STEAP2: variants seen among roughly 807,000 people sequenced by gnomAD.
The protein encoded by STEAP2 is STEAP2 metalloreductase.
STEAP2 carries 30 observed loss-of-function variants against 46.4 expected under a neutral mutation model. That is an observed-to-expected ratio of 0.65 (90% CI 0.48 to 0.88). The LOEUF is 0.88. Ranked by LOEUF, STEAP2 falls within the 40% of genes least tolerant of loss-of-function variation. The pLI is 0.00. For synonymous variants in STEAP2, 180 were observed against 200.5 expected, an observed-to-expected ratio of 0.90 and a Z score of 0.86; for missense variants, 513 against 579.3, an observed-to-expected ratio of 0.89 and a Z score of 1.18.
intron 3 of STEAP2, 46 bp from the exon 4 acceptor site, chr7:90,226,925 T>C (rs1795510776): frequency 1.3e-6 from 2 of 1,522,040 alleles, no homozygotes; most frequent in Non-Finnish European, 1.8e-6. Context: ...GCTACCATTT[T>C]TATAAACAAC....
rs759457260 is a variant in STEAP2 at position 90,232,380 on chromosome 7, T to C, written c.1229T>C (p.Val410Ala). 1 of 1,613,228 alleles carries C rather than the reference T, an allele frequency of 6.2e-7. No individual in the cohort carries two copies. Among genetic ancestry groups the C allele is most frequent in the South Asian group, 1.1e-5 (1 of 90,974 alleles). The change falls in exon 6 of 6, where the codon GTT (valine) becomes GCT (alanine). Residue 410 changes from valine (V) to alanine (A), a missense_variant. Physicochemically the swap from Val to Ala is moderately conservative, Grantham distance 64. Transcript: ENST00000394621. Reference sequence around the variant, plus strand: ...GCTCTGCTCATAAGTACTTTCCATGTTTTAATTTATGGATGGAAACGAGCT... The same window carrying C: ...GCTCTGCTCATAAGTACTTTCCATGCTTTAATTTATGGATGGAAACGAGCT... Reference protein sequence around the residue: ...YVALLISTFHVLIYGWKRAFE... With the variant: ...YVALLISTFHALIYGWKRAFE...
chr7:90,238,137 T>C, downstream of STEAP2: 1 of 717,326 alleles, frequency 1.4e-6, no homozygotes, highest in Non-Finnish European at 2.6e-6. Context: ...GAGTTTCTGC[T>C]GCTGCTGCCA....
Position 90,227,401 on chromosome 7 carries a change from TA to T in STEAP2, c.925del (p.Ser309ValfsTer17), listed in dbSNP as rs745680294. 1.2e-6 allele frequency: 2 copies of T among 1,612,932 alleles called. No individual in the cohort carries two copies. Among genetic ancestry groups the T allele is most frequent in the Non-Finnish European group, 1.7e-6 (2 of 1,178,998 alleles). On this transcript the variant is annotated frameshift_variant, in exon 4 of 6. Coordinates refer to ENST00000394621, the MANE Select transcript of STEAP2 (RefSeq NM_001244944.2). Reference sequence around the variant, plus strand: ...CAGTGTAGAAAACAGCTTGGATTACTAAGTTTTTTCTTCGCTATGGTCCATG... The same window carrying T: ...CAGTGTAGAAAACAGCTTGGATTACTAGTTTTTTCTTCGCTATGGTCCATG... ...WLQCRKQLGL[L>X]SFFFAMVHVA...
chr7:90,223,442 A>G (rs1053623824), intron 2 of STEAP2, among the ~76,000 whole-genome samples: 1 of 152,190 alleles, frequency 6.6e-6, no homozygotes, highest in African/African-American at 2.4e-5. Context: ...GTGCCTCTAC[A>G]GTGTCCACAG....
In STEAP2 at chr7:90,225,447, T is replaced by A; in HGVS notation, c.365T>A (p.Ile122Lys). ...ILIDVSNNMRINQYPESNAEY... is the reference protein window; with the variant it reads ...ILIDVSNNMRKNQYPESNAEY... ...ATTGATGTGAGCAATAACATGAGGA[T>A]AAACCAGTACCCAGAATCCAATGCT... The change falls in exon 3 of 6, where the codon ATA becomes AAA. Residue 122 changes from isoleucine to lysine, a missense_variant. Transcript: ENST00000394621. 1 of 1,613,866 alleles carries A rather than the reference T, an allele frequency of 6.2e-7. No individual in the cohort carries two copies. The highest frequency in any genetic ancestry group is 1.7e-4 in the Middle Eastern group (1 of 6,058).
chr7:90,230,719 C>T (rs1466680013), intron 5 of STEAP2, among the ~76,000 whole-genome samples: 2 of 151,862 alleles, frequency 1.3e-5, no homozygotes, highest in Non-Finnish European at 2.9e-5. Context: ...ATAACTGAAA[C>T]ATAGACCCTT....
chr7:90,214,443 G>A (rs973187698), intron 1 of STEAP2, among the ~76,000 whole-genome samples: 2 of 152,180 alleles, frequency 1.3e-5, no homozygotes, highest in African/African-American at 4.8e-5. Context: ...GGCTCTCCAG[G>A]ACATAAGTGG....
At chr7:90,214,777 G>A (rs1794950374) in intron 1 of STEAP2, among the ~76,000 whole-genome samples, 2 of 152,188 alleles carry the variant, frequency 1.3e-5, no homozygotes, top group Admixed American at 1.3e-4. Context: ...AGAATTATCA[G>A]TGTGAATATT....
At chr7:90,219,249 T>C (rs540420713) in intron 2 of STEAP2, among the ~76,000 whole-genome samples, 1 of 152,260 alleles carries the variant, frequency 6.6e-6, no homozygotes, top group South Asian at 2.1e-4. Context: ...TTGACCTTCC[T>C]CTTTTCCAGT....
Position 90,232,891 on chromosome 7 carries a change from A to G in STEAP2, c.*267A>G. The G allele has an allele frequency of 9.4e-7, 1 of 1,061,342 alleles. No homozygotes were observed. The highest frequency in any genetic ancestry group is 6.3e-5 in the East Asian group (1 of 15,916). The allele number at this position is 1,061,342 out of a possible 1,614,324, so 65.7% of individuals were successfully genotyped here. On this transcript the variant is annotated 3_prime_UTR_variant, in exon 6 of 6. Transcript: ENST00000394621. Reference sequence around the variant, plus strand: ...ACAACTGTAACCCTGTTGTTACTTTATATTTCATAATCAGGCAAAAATACT... The same window carrying G: ...ACAACTGTAACCCTGTTGTTACTTTGTATTTCATAATCAGGCAAAAATACT...
At chr7:90,224,150 T>C (rs1048388270) in intron 2 of STEAP2, among the ~76,000 whole-genome samples, 1 of 152,084 alleles carries the variant, frequency 6.6e-6, no homozygotes, top group Non-Finnish European at 1.5e-5. Context: ...AAAACCTCAG[T>C]CCCTTTTTTC....
At chr7:90,218,601 A>G (rs1000076813) in intron 2 of STEAP2, among the ~76,000 whole-genome samples, 1 of 151,376 alleles carries the variant, frequency 6.6e-6, no homozygotes, top group Non-Finnish European at 1.5e-5. Context: ...TTTTTTGTGG[A>G]TTATCTAATC....
chr7:90,218,888 C>A (rs1346515701), intron 2 of STEAP2, among the ~76,000 whole-genome samples: 1 of 152,038 alleles, frequency 6.6e-6, no homozygotes, highest in Non-Finnish European at 1.5e-5. Context: ...AATATTAATT[C>A]TTCCAATCCA....
In STEAP2 at chr7:90,234,464, T is replaced by C. The variant is rs969651745; in HGVS notation, c.*1840T>C. Reference sequence around the variant, plus strand: ...GCTACCTTTCCCACCAGTGACTCTTTTTCTACAACTGCCTTGTCAGTTTGG... The same window carrying C: ...GCTACCTTTCCCACCAGTGACTCTTCTTCTACAACTGCCTTGTCAGTTTGG... On this transcript the variant is annotated 3_prime_UTR_variant, in exon 6 of 6. Transcript: ENST00000394621. The C allele has an allele frequency of 1.3e-5, 13 of 985,170 alleles. No individual in the cohort carries two copies. In the African/African-American group the frequency reaches 2.3e-4, roughly 17 times the overall value. 61.0% of individuals were successfully genotyped at this position (985,170 alleles called of 1,614,324 possible). A position where few individuals can be genotyped will look rare whatever the true frequency, so the allele number is the denominator to read the frequency against.
rs867327012 is a variant in STEAP2, at chr7:90,230,045, G to T, written c.1185+9G>T. ...AATTCAGTTTTATTCAGGTATGTGG[G>T]GTTTTGTTTGGTGAAGGATTGTGCA... On this transcript the variant is annotated intron_variant, in intron 5 of 5. Transcript: ENST00000394621. 6.2e-7 allele frequency: 1 copy of T among 1,608,552 alleles called. No homozygotes were observed. The highest frequency in any genetic ancestry group is 1.3e-5 in the African/African-American group (1 of 74,718).
In STEAP2 at chr7:90,234,028, C is replaced by T; in HGVS notation, c.*1404C>T. The T allele has an allele frequency of 2.0e-6, 2 of 985,374 alleles. No individual in the cohort carries two copies. The highest frequency in any genetic ancestry group is 2.4e-6 in the Non-Finnish European group (2 of 829,926). 61.0% of individuals were successfully genotyped at this position (985,374 alleles called of 1,614,324 possible). On this transcript the variant is annotated 3_prime_UTR_variant, in exon 6 of 6. Transcript: ENST00000394621. ...GGGCCCTAGCAGTGTTAACAAATTGCTGAGATCCCACGGAGTCTTTCAAAA... is the reference window on the plus strand; with the variant it reads ...GGGCCCTAGCAGTGTTAACAAATTGTTGAGATCCCACGGAGTCTTTCAAAA...
Position 90,235,665 on chromosome 7 carries a change from GC to G in STEAP2, c.*3042del. ...TTTCCTATGAGGAAAATAACCATGA[GC>G]TGTATCATGCTACTTAGCTTTTATG... On this transcript the variant is annotated 3_prime_UTR_variant, in exon 6 of 6. Transcript: ENST00000394621. 1.1e-6 allele frequency: 1 copy of G among 934,838 alleles called. No individual in the cohort carries two copies. Among genetic ancestry groups the G allele is most frequent in the Non-Finnish European group, 1.3e-6 (1 of 784,040 alleles). 57.9% of individuals were successfully genotyped at this position (934,838 alleles called of 1,614,324 possible).
Position 90,236,090 on chromosome 7 carries a change from AT to A in STEAP2, c.*3471del. On this transcript the variant is annotated 3_prime_UTR_variant, in exon 6 of 6. Transcript: ENST00000394621. The stretch of plus-strand genomic sequence containing the variant: ...TAAAAGGGCTTCAAGAATATATCCA[AT>A]TTTTAAATATTTTAATATATCTCCT... The A allele has an allele frequency of 1.5e-6, 1 of 663,990 alleles. No homozygotes were observed. The highest frequency in any genetic ancestry group is 1.9e-6 in the Non-Finnish European group (1 of 537,352). The allele number at this position is 663,990 out of a possible 1,614,324, so 41.1% of individuals were successfully genotyped here. A position where few individuals can be genotyped will look rare whatever the true frequency, so the allele number is the denominator to read the frequency against.
intron 4 of STEAP2, 149 bp from the exon 5 acceptor site, chr7:90,229,723 G>A (rs1215325561): frequency 7.9e-7 from 1 of 1,259,648 alleles, no homozygotes; most frequent in Admixed American, 3.0e-5. Context: ...TCCAGTAACA[G>A]GTTCTCTGTA....
Sources: gnomAD v4.1 joint callset for allele counts (sites outside exome capture counted in the v4.1 genomes callset) on GRCh38, gnomAD v4.1.1 for gene constraint, MANE v1.5 for transcripts, NCBI Gene and HGNC (gene_info 2026-07-23, HGNC 2026-07-21) for gene names.